The following BCL7C variants were observed in gnomAD, a reference collection of about 807,000 sequenced individuals.
The protein encoded by BCL7C is BAF chromatin remodeling complex subunit BCL7C, also known as B-cell CLL/lymphoma 7 protein family member C.
BCL7C carries 8 observed loss-of-function variants against 26.2 expected under a neutral mutation model. The observed-to-expected ratio is 0.30, with a 90% CI of 0.18 to 0.55. The LOEUF (loss-of-function observed/expected upper bound fraction) is 0.55. Among genes scored for constraint, BCL7C ranks in the 20% least tolerant of loss-of-function variants. The pLI is 0.93. For missense variants in BCL7C, 262 were observed against 298.5 expected, an observed-to-expected ratio of 0.88 and a Z score of 0.90; for synonymous variants, 90 against 116.5, an observed-to-expected ratio of 0.77 and a Z score of 1.47.
chr16:30,892,578 G>A lies in BCL7C; in HGVS notation c.442+8C>T. On this transcript the variant is annotated splice_region_variant and intron_variant, in intron 4 of 5. Transcript: ENST00000215115. ...AGGAGAGAGCTCCTGGGAGGTACCT[G>A]GTCCTACCTCTCTCTTGGCCCAGCC... The A allele has an allele frequency of 6.5e-7, 1 of 1,547,116 alleles. No individual in the cohort carries two copies. The highest frequency in any genetic ancestry group is 8.7e-7 in the Non-Finnish European group (1 of 1,153,572).
Position 30,893,098 on chromosome 16 carries a change from C to T in BCL7C, c.171+114G>A. On this transcript the variant is annotated intron_variant, in intron 2 of 5. Transcript: ENST00000215115. The surrounding 1 kb of genome is among the most constrained non-coding windows in gnomAD (Gnocchi z 5.2). ...GGGAGGAGCTGCTAATGATGGTTCC[C>T]GTCTGTCCTGCTGCATCTGAGGTCT... The T allele has an allele frequency of 7.9e-7, 1 of 1,270,754 alleles. No homozygotes were observed. Among genetic ancestry groups the T allele is most frequent in the Admixed American group, 2.1e-5 (1 of 48,312 alleles). The allele number at this position is 1,270,754 out of a possible 1,614,324, so 78.7% of individuals were successfully genotyped here.
intron 5 of BCL7C, chr16:30,851,554 G>A (rs932616603): frequency 2.3e-5 from 7 of 305,998 alleles, no homozygotes; most frequent in African/African-American, 1.1e-4. Flanking sequence ...TATTTGAAGC[G>A]CTGGTTATGC....
intron 5 of BCL7C, among the ~76,000 whole-genome samples, chr16:30,846,911 C>T (rs1001944575): frequency 6.6e-6 from 1 of 152,268 alleles, no homozygotes; most frequent in African/African-American, 2.4e-5. Context: ...GAAGCACATG[C>T]CTTGGGAACC....
At chr16:30,862,735 C>A (rs944177107) in intron 5 of BCL7C, among the ~76,000 whole-genome samples, 1 of 152,164 alleles carries the variant, frequency 6.6e-6, no homozygotes, top group Non-Finnish European at 1.5e-5. Flanking sequence ...TACAAAGCAA[C>A]AACTCCTTTC....
chr16:30,886,728 C>G (rs1016077773), downstream of BCL7C, among the ~76,000 whole-genome samples: 1 of 152,060 alleles, frequency 6.6e-6, no homozygotes, highest in African/African-American at 2.4e-5. Context: ...GAAGGCTTCT[C>G]GGAGGAGATG....
chr16:30,887,471 T>G (rs1247588989), downstream of BCL7C, among the ~76,000 whole-genome samples: 3 of 130,342 alleles, frequency 2.3e-5, no homozygotes, highest in Non-Finnish European at 4.9e-5. Context: ...AACAAGTCTG[T>G]GTCTCAAAAA....
chr16:30,879,702 A>AAAAAAAAAAAAAAAAAAC (rs751856538), intron 5 of BCL7C, among the ~76,000 whole-genome samples: 1 of 145,364 alleles, frequency 6.9e-6, no homozygotes, highest in African/African-American at 2.5e-5. Context: ...AAAAAAAAAA[A>AAAAAAAAAAAAAAAAAAC]AAAAAAACTG....
chr16:30,878,467 A>G (rs924543383), intron 5 of BCL7C, among the ~76,000 whole-genome samples: 1 of 150,832 alleles, frequency 6.6e-6, no homozygotes, highest in Non-Finnish European at 1.5e-5. Context: ...TGAACCCAGG[A>G]GGCAGAGGTT....
intron 5 of BCL7C, among the ~76,000 whole-genome samples, chr16:30,866,414 T>C (rs1238952707): frequency 6.6e-6 from 1 of 151,794 alleles, no homozygotes; most frequent in Non-Finnish European, 1.5e-5. Flanking sequence ...CTGTCTCTAC[T>C]AAAAATACAA....
At chr16:30,876,509 T>G (rs564188141) in intron 5 of BCL7C, among the ~76,000 whole-genome samples, 2 of 152,286 alleles carry the variant, frequency 1.3e-5, no homozygotes, top group South Asian at 4.1e-4. Flanking sequence ...GCACCTACTG[T>G]ATGCCAGGCA....
At chr16:30,840,879 TG>T (rs1378279556) in intron 5 of BCL7C, 4 of 152,202 alleles carry the variant, frequency 2.6e-5, no homozygotes, top group African/African-American at 9.7e-5. Flanking sequence ...TGGAGGTAAC[TG>T]CCCCCTATGA....
chr16:30,851,652 C>A, intron 5 of BCL7C: 1 of 622,238 alleles, frequency 1.6e-6, no homozygotes, highest in South Asian at 1.8e-5. Flanking sequence ...TGCATCTCAT[C>A]GATTTGCTGA....
chr16:30,866,291 G>A (rs965142860), intron 5 of BCL7C, among the ~76,000 whole-genome samples: 1 of 152,082 alleles, frequency 6.6e-6, no homozygotes, highest in African/African-American at 2.4e-5. Context: ...GTTAGCAAAG[G>A]GAAGGCTGGG....
Position 30,893,952 on chromosome 16 carries a change from G to A in BCL7C, c.-8C>T. On this transcript the variant is annotated 5_prime_UTR_variant, in exon 1 of 6. Transcript: ENST00000215115. This position sits in a 1 kb window ranked among gnomAD's most constrained non-coding sequence, Gnocchi z 5.2. ...TACAGTCCGGCCGGCCATGCTGGCG[G>A]GGCTGGGGCCGGGGCCGAGCCCGCG... The A allele has an allele frequency of 8.6e-6, 13 of 1,518,034 alleles. No individual in the cohort carries two copies. Among genetic ancestry groups the A allele is most frequent in the Non-Finnish European group, 1.1e-5 (12 of 1,134,930 alleles). The allele number at this position is 1,518,034 out of a possible 1,614,324, so 94.0% of individuals were successfully genotyped here. A position where few individuals can be genotyped will look rare whatever the true frequency, so the allele number is the denominator to read the frequency against.
intron 5 of BCL7C, among the ~76,000 whole-genome samples, chr16:30,863,055 G>C (rs749502607): frequency 2.4e-4 from 37 of 151,698 alleles, no homozygotes; most frequent in Non-Finnish European, 4.1e-4. Flanking sequence ...TTTTAGGCTG[G>C]CCCCCCCACA....
At chr16:30,833,742 C>T (rs759520273) in exon 6 of BCL7C, 2 of 152,200 alleles carry the variant, frequency 1.3e-5, no homozygotes, top group African/African-American at 2.4e-5. Flanking sequence ...TCTGTCATCT[C>T]AATCATTGGT....
At chr16:30,865,527 A>G (rs1031798173) in intron 5 of BCL7C, among the ~76,000 whole-genome samples, 2 of 152,052 alleles carry the variant, frequency 1.3e-5, no homozygotes, top group African/African-American at 2.4e-5. Context: ...GCAGTGAACT[A>G]TGATTATGCC....
intron 5 of BCL7C, among the ~76,000 whole-genome samples, chr16:30,880,502 A>C (rs1200871192): frequency 1.3e-5 from 2 of 149,942 alleles, no homozygotes; most frequent in East Asian, 4.0e-4. Context: ...GATTGAGACC[A>C]TCCTGGCTAA....
chr16:30,852,849 T>A (rs2054688101), intron 5 of BCL7C, among the ~76,000 whole-genome samples: 1 of 151,638 alleles, frequency 6.6e-6, no homozygotes, highest in South Asian at 2.1e-4. Context: ...ATAAATGTTA[T>A]TACACTTAGC....
Sources: gnomAD v4.1 joint callset for allele counts (sites outside exome capture counted in the v4.1 genomes callset) on GRCh38, gnomAD v4.1.1 for gene constraint, Gnocchi (gnomAD v3.1) non-coding constraint, MANE v1.5 for transcripts, NCBI Gene and HGNC (gene_info 2026-07-23, HGNC 2026-07-21) for gene names.